NPTN: variants seen among roughly 807,000 people sequenced by gnomAD.
NPTN encodes the protein neuroplastin, also known as SDR-1.
Under a neutral mutation model 42.7 loss-of-function variants are expected in NPTN, and 5 were observed. The observed-to-expected ratio is 0.12, with a 90% CI of 0.06 to 0.25. The LOEUF (loss-of-function observed/expected upper bound fraction) is 0.25, where lower values mean the gene tolerates loss of function less well. NPTN is among the 10% of genes least tolerant of loss of function. NPTN has a pLI of 1.00. For missense variants in NPTN, 307 were observed against 525.4 expected (o/e 0.58, Z 4.06); for synonymous variants, 180 against 201.9 (o/e 0.89, Z 0.92).
intron 2 of NPTN, among the ~76,000 whole-genome samples, chr15:73,592,377 T>C (rs955421684): frequency 5.3e-5 from 8 of 152,212 alleles, no homozygotes; most frequent in African/African-American, 9.6e-5. Flanking sequence ...CGTGAAAGAA[T>C]GGGAGTATTA....
chr15:73,573,854 G>GC, intron 4 of NPTN, 59 bp from the exon 5 acceptor site: 1 of 1,583,074 alleles, frequency 6.3e-7, no homozygotes, highest in Non-Finnish European at 8.6e-7. Flanking sequence ...GGATACAAAG[G>GC]CCCCACCTTC....
intron 3 of NPTN, 122 bp from the exon 4 acceptor site, chr15:73,587,740 C>T (rs1896387281): frequency 1.5e-6 from 1 of 682,850 alleles, no homozygotes; most frequent in Non-Finnish European, 2.5e-6. Flanking sequence ...AACTCACCTC[C>T]TTCTAACTAA....
At chr15:73,577,437 G>A (rs923712318) in intron 4 of NPTN, among the ~76,000 whole-genome samples, 4 of 152,136 alleles carry the variant, frequency 2.6e-5, no homozygotes, top group Admixed American at 6.5e-5. Flanking sequence ...GAAAGAGATC[G>A]AACTTAACTG....
intron 6 of NPTN, among the ~76,000 whole-genome samples, chr15:73,566,654 A>G (rs761717131): frequency 3.7e-4 from 56 of 152,222 alleles, no homozygotes; most frequent in Non-Finnish European, 7.2e-4. Context: ...CAGGACACCA[A>G]CACAGAAGGT....
In NPTN at chr15:73,587,745, A is replaced by C. The variant is rs1420257972; in HGVS notation, c.612-127T>G. The C allele has an allele frequency of 1.8e-5, 12 of 653,946 alleles. No individual in the cohort carries two copies. The East Asian group carries it at 3.3e-4, about 18-fold the overall frequency. 40.5% of individuals were successfully genotyped at this position (653,946 alleles called of 1,614,324 possible). A position where few individuals can be genotyped will look rare whatever the true frequency, so the allele number is the denominator to read the frequency against. On this transcript the variant is annotated intron_variant, in intron 3 of 8. Transcript: ENST00000345330. The stretch of plus-strand genomic sequence containing the variant: ...CCCTTAATGCAACTCACCTCCTTCT[A>C]ACTAAAAGCAAAAATTCCTCTCTGT...
chr15:73,604,448 C>G (rs973878982), intron 1 of NPTN, among the ~76,000 whole-genome samples: 3 of 152,116 alleles, frequency 2.0e-5, no homozygotes, highest in Non-Finnish European at 2.9e-5. Context: ...AGAGGAGACC[C>G]TGTCTCAACA....
At chr15:73,624,456 C>G (rs892078673) in intron 1 of NPTN, among the ~76,000 whole-genome samples, 2 of 152,106 alleles carry the variant, frequency 1.3e-5, no homozygotes, top group Non-Finnish European at 2.9e-5. Flanking sequence ...GCAATGATTC[C>G]CAAACCTGCT....
In NPTN at chr15:73,568,861, T is replaced by C. The variant is rs1007662905; in HGVS notation, c.1114+1289A>G. ...ACTCTACTTACTGCAGGCAGAGAGA[T>C]TTATAACTGCTGAGAAGAAAGGAAA... On this transcript the variant is annotated intron_variant, in intron 6 of 8. Coordinates refer to ENST00000345330, the MANE Select transcript of NPTN (RefSeq NM_012428.4). The C allele has an allele frequency of 2.3e-5, 23 of 985,328 alleles. 1 individual carries two copies. Among genetic ancestry groups the C allele is most frequent in the Non-Finnish European group, 2.8e-5 (23 of 829,998 alleles). 61.0% of individuals were successfully genotyped at this position (985,328 alleles called of 1,614,324 possible). A position where few individuals can be genotyped will look rare whatever the true frequency, so the allele number is the denominator to read the frequency against.
Position 73,573,812 on chromosome 15 carries a change from G to C in NPTN, c.707-17C>G. ...CAGGAGCGGCTGTGAGAAAGCGTTA[G>C]ACGCAGTTACCACGGAAGTCTACTC... On this transcript the variant is annotated splice_polypyrimidine_tract_variant and intron_variant, in intron 4 of 8. Coordinates refer to ENST00000345330, the MANE Select transcript of NPTN (RefSeq NM_012428.4). The C allele has an allele frequency of 1.9e-6, 3 of 1,604,612 alleles. No homozygotes were observed. The highest frequency in any genetic ancestry group is 2.7e-5 in the African/African-American group (2 of 74,636).
Position 73,569,264 on chromosome 15 carries a change from T to A in NPTN, c.1114+886A>T, listed in dbSNP as rs1895230622. The A allele has an allele frequency of 1.0e-6, 1 of 985,316 alleles. No homozygotes were observed. Among genetic ancestry groups the A allele is most frequent in the African/African-American group, 1.7e-5 (1 of 57,222 alleles). The allele number at this position is 985,316 out of a possible 1,614,324, so 61.0% of individuals were successfully genotyped here. A position where few individuals can be genotyped will look rare whatever the true frequency, so the allele number is the denominator to read the frequency against. ...GAACCTGAAGTACTGCAGATACAAG[T>A]CTCCATCAGCAGCTTCCCCCTTCAC... On this transcript the variant is annotated intron_variant, in intron 6 of 8. Transcript: ENST00000345330. The surrounding 1 kb of genome is among the most constrained non-coding windows in gnomAD (Gnocchi z 4.1).
At chr15:73,593,085 T>A (rs771933172) in intron 2 of NPTN, among the ~76,000 whole-genome samples, 6 of 152,160 alleles carry the variant, frequency 3.9e-5, no homozygotes, top group Non-Finnish European at 8.8e-5. Context: ...ATACTTCACC[T>A]TCTGATTCTA....
At chr15:73,595,885 G>A (rs983044476) in intron 2 of NPTN, among the ~76,000 whole-genome samples, 2 of 149,304 alleles carry the variant, frequency 1.3e-5, no homozygotes, top group Non-Finnish European at 3.0e-5. Context: ...CAAAAGTCCC[G>A]GTGTCATATG....
Position 73,603,005 on chromosome 15 carries a change from G to A in NPTN, c.92-5636C>T, listed in dbSNP as rs900884619. On this transcript the variant is annotated intron_variant, in intron 1 of 8. Transcript: ENST00000345330. ...GGAAAAATAGGGGAATCTAGTTCAT[G>A]CCAAGAGAAACTACATAGTTTAGTG... Among the ~76,000 whole-genome samples, 36 of 152,192 alleles carry A rather than the reference G, an allele frequency of 2.4e-4. 1 individual carries two copies. The highest frequency in any genetic ancestry group is 1.3e-4 in the Non-Finnish European group (9 of 68,030).
At chr15:73,622,306 T>C (rs538386079) in intron 1 of NPTN, among the ~76,000 whole-genome samples, 260 of 152,254 alleles carry the variant, frequency 1.7e-3, no homozygotes, top group Non-Finnish European at 2.2e-3. Context: ...AAGGGTGTGG[T>C]CAATCACATC....
intron 1 of NPTN, among the ~76,000 whole-genome samples, chr15:73,623,895 C>G (rs1164345501): frequency 6.6e-6 from 1 of 152,220 alleles, no homozygotes; most frequent in Non-Finnish European, 1.5e-5. Flanking sequence ...CTCTATTCTT[C>G]CGCTAGTTTC....
chr15:73,614,542 G>C (rs1897766936), intron 1 of NPTN, among the ~76,000 whole-genome samples: 1 of 152,102 alleles, frequency 6.6e-6, no homozygotes, highest in African/African-American at 2.4e-5. Context: ...GATGCACAAG[G>C]TAAGAAGAAA....
At chr15:73,584,838 G>C (rs1480425649) in intron 4 of NPTN, among the ~76,000 whole-genome samples, 1 of 150,056 alleles carries the variant, frequency 6.7e-6, no homozygotes, top group Non-Finnish European at 1.5e-5. Flanking sequence ...ACTACATGTA[G>C]ATACTCCTAT....
At chr15:73,610,365 G>C (rs1897517574) in intron 1 of NPTN, among the ~76,000 whole-genome samples, 1 of 152,118 alleles carries the variant, frequency 6.6e-6, no homozygotes, top group Admixed American at 6.5e-5. Flanking sequence ...CAAAGTACTG[G>C]GATTACAGGC....
chr15:73,592,174 C>T lies in NPTN; in HGVS notation c.440-37G>A, dbSNP rs758450285. 2.5e-6 allele frequency: 4 copies of T among 1,580,666 alleles called. No individual in the cohort carries two copies. In the South Asian group the frequency reaches 3.5e-5, roughly 14 times the overall value. ...GTGCACAATGATAGGGGGCAATAGCCTTCCATCCTCTGTAGCCCTGGCCTG... is the reference window on the plus strand; with the variant it reads ...GTGCACAATGATAGGGGGCAATAGCTTTCCATCCTCTGTAGCCCTGGCCTG... On this transcript the variant is annotated intron_variant, in intron 2 of 8. Transcript: ENST00000345330.
Sources: allele counts gnomAD v4.1 joint callset (sites outside exome capture counted in the v4.1 genomes callset), GRCh38; gene constraint gnomAD v4.1.1; non-coding constraint Gnocchi (gnomAD v3.1); transcripts MANE v1.5; gene names NCBI Gene and HGNC (gene_info 2026-07-23, HGNC 2026-07-21).